The following COL5A1 variants were observed in gnomAD, a reference collection of about 807,000 sequenced individuals.
The protein encoded by COL5A1 is collagen type V alpha 1 chain, also known as collagen alpha-1(V) chain.
COL5A1 carries 16 observed loss-of-function variants against 263.7 expected under a neutral mutation model. The observed-to-expected ratio is 0.06, with a 90% CI of 0.04 to 0.09. The LOEUF (loss-of-function observed/expected upper bound fraction) is 0.09. Ranked by LOEUF, COL5A1 falls within the 10% of genes least tolerant of loss-of-function variation. COL5A1 has a pLI of 1.00. For synonymous variants in COL5A1, 1,012 were observed against 1,004.5 expected (o/e 1.01, Z -0.14); for missense variants, 2,036 against 2,540.5 (o/e 0.80, Z 4.27).
intron 64 of COL5A1, 159 bp downstream of exon 64, chr9:134,830,203 C>T (rs1456700329): frequency 6.3e-7 from 1 of 1,594,002 alleles, no homozygotes; most frequent in Non-Finnish European, 8.5e-7. Flanking sequence ...GCCCGGCCAC[C>T]TCGGCACTGC....
intron 1 of COL5A1, among the ~76,000 whole-genome samples, chr9:134,687,790 G>A (rs1424636130): frequency 6.6e-6 from 1 of 152,176 alleles, no homozygotes; most frequent in Non-Finnish European, 1.5e-5. Context: ...TAGGAGAAAA[G>A]GGCAAAAGAG....
At chr9:134,779,992 C>A in intron 27 of COL5A1, 110 bp from the exon 28 acceptor site, 1 of 1,223,130 alleles carries the variant, frequency 8.2e-7, no homozygotes, top group Non-Finnish European at 1.2e-6. Flanking sequence ...AGGGCGCTGG[C>A]CTCATCTGTC....
Position 134,782,654 on chromosome 9 carries a change from G to A in COL5A1, c.2431-13G>A, listed in dbSNP as rs538478156. On this transcript the variant is annotated splice_polypyrimidine_tract_variant and intron_variant, in intron 28 of 65. Coordinates refer to ENST00000371817, the MANE Select transcript of COL5A1 (RefSeq NM_000093.5). ...CTTGCCTAGACTAGGGCACTCTCTT[G>A]TCCCATATTCAGGGTGAAGACGGCT... The A allele has an allele frequency of 6.2e-7, 1 of 1,613,786 alleles. No homozygotes were observed. Among genetic ancestry groups the A allele is most frequent in the East Asian group, 2.2e-5 (1 of 44,850 alleles).
rs1838169391 is a variant in COL5A1, at chr9:134,803,009, G to A, written c.3114+14G>A. ...GAAGGGACGAAGGTGAGTTTCTGGAGCCTTCTGTGTCAGCTCAGGCGTTTC... is the reference window on the plus strand; with the variant it reads ...GAAGGGACGAAGGTGAGTTTCTGGAACCTTCTGTGTCAGCTCAGGCGTTTC... On this transcript the variant is annotated intron_variant, in intron 39 of 65. Coordinates refer to ENST00000371817, the MANE Select transcript of COL5A1 (RefSeq NM_000093.5). The A allele has an allele frequency of 6.3e-7, 1 of 1,575,004 alleles. No individual in the cohort carries two copies. The highest frequency in any genetic ancestry group is 8.6e-7 in the Non-Finnish European group (1 of 1,156,462).
At chr9:134,778,664 C>T (rs996278367) in intron 27 of COL5A1, among the ~76,000 whole-genome samples, 7 of 152,246 alleles carry the variant, frequency 4.6e-5, no homozygotes, top group African/African-American at 1.4e-4. Context: ...CTTGCCCTCC[C>T]GGCTGCCTCC....
At chr9:134,780,743 G>A (rs546635581) in intron 28 of COL5A1, among the ~76,000 whole-genome samples, 3 of 152,198 alleles carry the variant, frequency 2.0e-5, no homozygotes, top group Non-Finnish European at 4.4e-5. Context: ...AGCCTGCAGC[G>A]GCGACAGCCT....
At chr9:134,797,085 A>G (rs1331291784) in intron 36 of COL5A1, among the ~76,000 whole-genome samples, 184 bp downstream of exon 36, 1 of 152,252 alleles carries the variant, frequency 6.6e-6, no homozygotes, top group East Asian at 1.9e-4. Flanking sequence ...CCCACCGCCA[A>G]GGCGGCTGTG....
intron 25 of COL5A1, among the ~76,000 whole-genome samples, chr9:134,770,995 C>T (rs764987944): frequency 2.6e-5 from 4 of 152,260 alleles, no homozygotes; most frequent in Non-Finnish European, 5.9e-5. Flanking sequence ...GGAATGGAGG[C>T]CGCCGTGATG....
intron 1 of COL5A1, among the ~76,000 whole-genome samples, chr9:134,689,740 G>A (rs1345527706): frequency 6.6e-6 from 1 of 152,218 alleles, no homozygotes; most frequent in African/African-American, 2.4e-5. Flanking sequence ...GTCATGCTCT[G>A]ATTGGCCAGC....
intron 4 of COL5A1, among the ~76,000 whole-genome samples, chr9:134,713,723 A>G (rs1387873050): frequency 1.3e-5 from 2 of 152,238 alleles, no homozygotes. Flanking sequence ...TGGCGGCCAC[A>G]GGAATGCACG....
rs991114168 is a variant in COL5A1, at chr9:134,647,126, C to A, written c.109+4830C>A. Among the ~76,000 whole-genome samples the A allele has an allele frequency of 3.9e-5, 6 of 152,150 alleles. No homozygotes were observed. On this transcript the variant is annotated intron_variant, in intron 1 of 65. Transcript: ENST00000371817. This position sits in a 1 kb window ranked among gnomAD's most constrained non-coding sequence, Gnocchi z 5.0. ...AGTGTTCCCACAGCCCTCTTTAGCT[C>A]CCAGAAGCACAGGCGAGGGAGGTGT...
chr9:134,803,086 G>T, intron 39 of COL5A1, 91 bp downstream of exon 39: 1 of 1,026,992 alleles, frequency 9.7e-7, no homozygotes, highest in South Asian at 1.4e-5. Flanking sequence ...TCTGATGAAT[G>T]GGTAATTCGT....
intron 9 of COL5A1, among the ~76,000 whole-genome samples, chr9:134,735,141 A>G (rs1168796481): frequency 6.6e-6 from 1 of 151,508 alleles, no homozygotes; most frequent in African/African-American, 2.4e-5. Flanking sequence ...TGAACCCAGG[A>G]GGCGGAGGTT....
intron 18 of COL5A1, among the ~76,000 whole-genome samples, chr9:134,759,447 CCACACA>C (rs748083870): frequency 9.3e-5 from 9 of 96,838 alleles, no homozygotes; most frequent in African/African-American, 5.2e-4. Flanking sequence ...ACACCCACAC[CCACACA>C]CTCATACATG....
Position 134,707,167 on chromosome 9 carries a change from G to C in COL5A1, c.654+5834G>C, listed in dbSNP as rs143184321. On this transcript the variant is annotated intron_variant, in intron 4 of 65. Coordinates refer to ENST00000371817, the MANE Select transcript of COL5A1 (RefSeq NM_000093.5). ...TGACCAGGAGGGGGGCCGTGGAGGG[G>C]ATGAGAACTGCCCCGGGGGACAGCC... Among the ~76,000 whole-genome samples the C allele has an allele frequency of 1.8e-4, 27 of 152,314 alleles. No homozygotes were observed. In the East Asian group the frequency reaches 4.8e-3, roughly 27 times the overall value.
At position 134,727,389 on chromosome 9, in the gene COL5A1, G is replaced by C. The variant is rs1588476054; in HGVS notation, c.778G>C (p.Asp260His). Residue 260 changes from aspartate to histidine, a missense_variant, in exon 5 of 66, where the codon GAT becomes CAT. Transcript: ENST00000371817. ...DTPQSQDPNP[D>H]EYYTEGDGEG... ...CCCACAGTCGCAGGACCCCAATCCA[G>C]ATGAATATGTGAGTTAACTCTGGCT... is the stretch of plus-strand genomic sequence containing the variant. The C allele has an allele frequency of 6.2e-7, 1 of 1,614,108 alleles. No homozygotes were observed. Among genetic ancestry groups the C allele is most frequent in the African/African-American group, 1.3e-5 (1 of 75,034 alleles).
Position 134,744,484 on chromosome 9 carries a change from C to T in COL5A1, c.1494+5676C>T, listed in dbSNP as rs536741756. ...TCACCTATACATACACGTATGCATGCACAGTCACCCACACCTGCACACACT... is the reference window on the plus strand; with the variant it reads ...TCACCTATACATACACGTATGCATGTACAGTCACCCACACCTGCACACACT... On this transcript the variant is annotated intron_variant, in intron 11 of 65. Transcript: ENST00000371817. Among the ~76,000 whole-genome samples the T allele has an allele frequency of 2.5e-4, 38 of 151,374 alleles. No individual in the cohort carries two copies. The South Asian group carries it at 7.7e-3, about 31-fold the overall frequency.
Position 134,817,038 on chromosome 9 carries a change from C to G in COL5A1, c.4135C>G (p.Pro1379Ala). Reference sequence around the variant, plus strand: ...CTCCCAATACCAGGGATCCCCCGGCCCTACTGGTGAACCAGGTCCATCGGG... The same window carrying G: ...CTCCCAATACCAGGGATCCCCCGGCGCTACTGGTGAACCAGGTCCATCGGG... ...GEPGQTGSPG[P>A]TGEPGPSGPP... is the part of the protein sequence containing the mutation. Residue 1379 changes from proline to alanine, a missense_variant, in exon 53 of 66, where the codon CCT (proline) becomes GCT (alanine). Physicochemically the swap from Pro to Ala is conservative, Grantham distance 27. This residue lies in a region of COL5A1 where 1,078 missense variants were observed against 1,521.4 expected (regional missense o/e 0.71). Coordinates refer to ENST00000371817, the MANE Select transcript of COL5A1 (RefSeq NM_000093.5). The G allele has an allele frequency of 6.2e-7, 1 of 1,613,934 alleles. No homozygotes were observed. The highest frequency in any genetic ancestry group is 8.5e-7 in the Non-Finnish European group (1 of 1,179,838).
rs1472565642 is a variant in COL5A1, at chr9:134,649,630, C to A, written c.109+7334C>A. On this transcript the variant is annotated intron_variant, in intron 1 of 65. Coordinates refer to ENST00000371817, the MANE Select transcript of COL5A1 (RefSeq NM_000093.5). The stretch of plus-strand genomic sequence containing the variant: ...ATGACATAAAAACAGTGTGGTGATT[C>A]CTCAAGGATCTAGAACCAGAAATAC... 9.3e-6 allele frequency: 4 copies of A among 428,616 alleles called. No homozygotes were observed. The East Asian group carries it at 2.1e-4, about 23-fold the overall frequency. The allele number at this position is 428,616 out of a possible 1,614,324, so 26.6% of individuals were successfully genotyped here.
Sources: allele counts gnomAD v4.1 joint callset (sites outside exome capture counted in the v4.1 genomes callset), GRCh38; gene constraint gnomAD v4.1.1; regional missense constraint gnomAD v4.1.1; non-coding constraint Gnocchi (gnomAD v3.1); transcripts MANE v1.5; gene names NCBI Gene and HGNC (gene_info 2026-07-23, HGNC 2026-07-21).